The following ZNRF1 variants were observed in gnomAD, a reference collection of about 807,000 sequenced individuals.
ZNRF1 encodes zinc and ring finger 1, also known as E3 ubiquitin-protein ligase ZNRF1.
In ZNRF1, 3 loss-of-function variants were observed where a neutral mutation model predicts 18.4. The observed-to-expected ratio is 0.16, with a 90% confidence interval of 0.07 to 0.42. ZNRF1 has a LOEUF of 0.42. Among genes scored for constraint, ZNRF1 ranks in the 10% least tolerant of loss-of-function variants. ZNRF1 has a pLI of 0.99. For synonymous variants in ZNRF1, 157 were observed against 144.2 expected (o/e 1.09, Z -0.64); for missense variants, 310 against 329.8 (o/e 0.94, Z 0.47).
chr16:75,050,227 C>G lies in ZNRF1; in HGVS notation c.425-43345C>G, dbSNP rs373677198. Among the ~76,000 whole-genome samples the G allele has an allele frequency of 5.3e-5, 8 of 152,102 alleles. No individual in the cohort carries two copies. In the South Asian group the frequency reaches 1.2e-3, roughly 24 times the overall value. ...CGGTTTGTTTAATCCATCCGAGGAC[C>G]TTTTTAAAATACTTGTGCCCAGATG... is the stretch of plus-strand genomic sequence containing the variant. On this transcript the variant is annotated intron_variant, in intron 1 of 4. Transcript: ENST00000335325.
At chr16:75,040,707 A>G (rs1177537522) in intron 1 of ZNRF1, among the ~76,000 whole-genome samples, 1 of 145,906 alleles carries the variant, frequency 6.9e-6, no homozygotes, top group Non-Finnish European at 1.5e-5. Flanking sequence ...CCTGGGTCCA[A>G]GTGATTCTCC....
At chr16:75,087,449 C>T (rs1695443798) in intron 1 of ZNRF1, among the ~76,000 whole-genome samples, 1 of 152,220 alleles carries the variant, frequency 6.6e-6, no homozygotes, top group African/African-American at 2.4e-5. Flanking sequence ...CAGGAAGCAG[C>T]TGGACTCTGG....
intron 1 of ZNRF1, among the ~76,000 whole-genome samples, chr16:75,021,827 G>C (rs2035153305): frequency 6.6e-6 from 1 of 151,866 alleles, no homozygotes; most frequent in Admixed American, 6.6e-5. Context: ...TTTGCTATTT[G>C]TCCTTGAATA....
At chr16:75,099,361 G>C (rs2036231547) in intron 2 of ZNRF1, among the ~76,000 whole-genome samples, 1 of 152,154 alleles carries the variant, frequency 6.6e-6, no homozygotes, top group Admixed American at 6.6e-5. Context: ...CTGGATCCCA[G>C]GGAGGGAGCA....
intron 2 of ZNRF1, among the ~76,000 whole-genome samples, chr16:75,101,536 C>T (rs2036255660): frequency 6.6e-6 from 1 of 151,900 alleles, no homozygotes; most frequent in Non-Finnish European, 1.5e-5. Context: ...TAGAGCGAGA[C>T]TCCATGTCAA....
At chr16:75,091,397 GT>G (rs1209478410) in intron 1 of ZNRF1, among the ~76,000 whole-genome samples, 1 of 151,696 alleles carries the variant, frequency 6.6e-6, no homozygotes, top group Non-Finnish European at 1.5e-5. Flanking sequence ...ATTGCAGATG[GT>G]TATCACTAGT....
chr16:75,082,132 T>A (rs1053947086), intron 1 of ZNRF1, among the ~76,000 whole-genome samples: 1 of 152,180 alleles, frequency 6.6e-6, no homozygotes, highest in African/African-American at 2.4e-5. Flanking sequence ...TCCTCCTGCC[T>A]CAGCCTCCCA....
Position 75,108,748 on chromosome 16 carries a change from A to G in ZNRF1, c.*1048A>G, listed in dbSNP as rs149084933. ...TTTTATTTTAATGAAGTGTTATACA[A>G]TCAAGAAATGGGGGCAAGGGCCTGC... On this transcript the variant is annotated 3_prime_UTR_variant, in exon 5 of 5. Coordinates refer to ENST00000335325, the MANE Select transcript of ZNRF1 (RefSeq NM_032268.5). 2.6e-6 allele frequency: 1 copy of G among 387,074 alleles called. No homozygotes were observed. The highest frequency in any genetic ancestry group is 1.4e-4 in the South Asian group (1 of 6,976). The allele number at this position is 387,074 out of a possible 1,614,324, so 24.0% of individuals were successfully genotyped here.
intron 1 of ZNRF1, among the ~76,000 whole-genome samples, chr16:75,053,766 G>T (rs1157615644): frequency 6.6e-6 from 1 of 152,116 alleles, no homozygotes; most frequent in African/African-American, 2.4e-5. Context: ...CTCAGAAAAT[G>T]TCTTTTCAGT....
rs1251308868 is a variant in ZNRF1 at position 75,093,549 on chromosome 16, C to T, written c.425-23C>T. 1.9e-6 allele frequency: 3 copies of T among 1,588,196 alleles called. No individual in the cohort carries two copies. In the South Asian group the frequency reaches 3.3e-5, roughly 18 times the overall value. On this transcript the variant is annotated intron_variant, in intron 1 of 4. Coordinates refer to ENST00000335325, the MANE Select transcript of ZNRF1 (RefSeq NM_032268.5). The stretch of plus-strand genomic sequence containing the variant: ...TGTACTGGATCTGGAGAAAACATTT[C>T]ATCCCATTCTCCTCTCTTTCAGGTT...
rs1567498965 is a variant in ZNRF1, at chr16:75,109,930, G to A, written c.*2230G>A. ...TATATTTAATTCCACCAGCAAAGCT[G>A]GCGAGGCAGGGCCCAGCCCTGAAGG... is the stretch of plus-strand genomic sequence containing the variant. On this transcript the variant is annotated 3_prime_UTR_variant, in exon 5 of 5. Transcript: ENST00000335325. 1 of 152,382 alleles carries A rather than the reference G, an allele frequency of 6.6e-6. No individual in the cohort carries two copies. The highest frequency in any genetic ancestry group is 1.5e-5 in the Non-Finnish European group (1 of 68,136). 9.4% of individuals were successfully genotyped at this position (152,382 alleles called of 1,614,324 possible).
chr16:75,030,852 TTTTG>T (rs980621134), intron 1 of ZNRF1, among the ~76,000 whole-genome samples: 2 of 147,108 alleles, frequency 1.4e-5, no homozygotes, highest in African/African-American at 5.0e-5. Context: ...TTTTTTTTTT[TTTTG>T]TTAAGACGGA....
chr16:75,059,568 T>C (rs949664560), intron 1 of ZNRF1, among the ~76,000 whole-genome samples: 4 of 152,120 alleles, frequency 2.6e-5, no homozygotes, highest in African/African-American at 9.7e-5. Flanking sequence ...TTCTTACTTT[T>C]GTTTGTGACG....
At chr16:75,026,345 GAGT>G (rs2035224505) in intron 1 of ZNRF1, among the ~76,000 whole-genome samples, 1 of 151,974 alleles carries the variant, frequency 6.6e-6, no homozygotes, top group Non-Finnish European at 1.5e-5. Flanking sequence ...CTGGAAACAA[GAGT>G]TTAGAATGAA....
At chr16:75,021,931 T>A (rs1042950719) in intron 1 of ZNRF1, among the ~76,000 whole-genome samples, 1 of 152,240 alleles carries the variant, frequency 6.6e-6, no homozygotes, top group Non-Finnish European at 1.5e-5. Context: ...TCCCTCCTTT[T>A]GAAAATCCTA....
At chr16:75,065,390 GCCAGAGCCACGCTCTGGCC>G (rs2035790466) in intron 1 of ZNRF1, among the ~76,000 whole-genome samples, 1 of 151,568 alleles carries the variant, frequency 6.6e-6, no homozygotes, top group Admixed American at 6.6e-5. Context: ...TTTTGTTCTG[GCCAGAGCCACGCTCTGGCC>G]GTTTGTTACT....
chr16:75,066,889 T>G (rs2035811720), intron 1 of ZNRF1, among the ~76,000 whole-genome samples: 1 of 152,150 alleles, frequency 6.6e-6, no homozygotes, highest in Non-Finnish European at 1.5e-5. Flanking sequence ...GGTAACAAAT[T>G]ACCCCAAAAC....
chr16:75,108,153 GAGCAC>G lies in ZNRF1; in HGVS notation c.*455_*459del, dbSNP rs2036339507. On this transcript the variant is annotated 3_prime_UTR_variant, in exon 5 of 5. Transcript: ENST00000335325. ...CGCTGCCAGCCTTCTGACGGCGGGC[GAGCAC>G]ACGGTCTCTTCCCCTGCCCCAACTG... 1 of 189,330 alleles carries G rather than the reference GAGCAC, an allele frequency of 5.3e-6. No individual in the cohort carries two copies. The highest frequency in any genetic ancestry group is 2.4e-5 in the African/African-American group (1 of 41,818). 11.7% of individuals were successfully genotyped at this position (189,330 alleles called of 1,614,324 possible).
chr16:75,017,795 G>T (rs2035091162), intron 1 of ZNRF1, among the ~76,000 whole-genome samples: 2 of 152,214 alleles, frequency 1.3e-5, no homozygotes, highest in South Asian at 4.1e-4. Context: ...TTCAAATCAA[G>T]TTGGCATCAG....
Sources: allele counts gnomAD v4.1 joint callset (sites outside exome capture counted in the v4.1 genomes callset), GRCh38; gene constraint gnomAD v4.1.1; transcripts MANE v1.5; gene names NCBI Gene and HGNC (gene_info 2026-07-23, HGNC 2026-07-21).